Variants in LEPROTL1 observed in about 807,000 individuals in gnomAD.
LEPROTL1 encodes leptin receptor overlapping transcript like 1, also known as leptin receptor overlapping transcript-like 1.
A neutral mutation model predicts 15.4 loss-of-function variants in LEPROTL1; 6 were observed. The ratio of observed to expected loss-of-function variants is 0.39; its 90% CI spans 0.21 to 0.77. The LOEUF (loss-of-function observed/expected upper bound fraction) is 0.77. Ranked by LOEUF, LEPROTL1 falls within the 30% of genes least tolerant of loss-of-function variation. The pLI is 0.41. For missense variants in LEPROTL1, 128 were observed against 158.1 expected (o/e 0.81, Z 1.02); for synonymous variants, 56 against 52.6 (o/e 1.06, Z -0.28).
rs1439952751 is a variant in LEPROTL1, at chr8:30,131,849, T to C, written c.280-526T>C. ...TCCAAAACTTTAGAAAAAATTTTAT[T>C]ATGGAAAAGTTCAAATGTATGCATT... On this transcript the variant is annotated intron_variant, in intron 3 of 4. Transcript: ENST00000442880. The C allele has an allele frequency of 1.2e-5, 17 of 1,417,682 alleles. No individual in the cohort carries two copies. The East Asian group carries it at 1.5e-4, about 13-fold the overall frequency. The allele number at this position is 1,417,682 out of a possible 1,614,324, so 87.8% of individuals were successfully genotyped here.
chr8:30,119,946 G>C (rs188878232), intron 3 of LEPROTL1, among the ~76,000 whole-genome samples: 2 of 152,232 alleles, frequency 1.3e-5, no homozygotes, highest in East Asian at 3.9e-4. Flanking sequence ...GCGTATGCTT[G>C]TAATCCCAGC....
chr8:30,129,755 AC>A (rs1802966589), intron 3 of LEPROTL1, among the ~76,000 whole-genome samples: 1 of 148,732 alleles, frequency 6.7e-6, no homozygotes, highest in African/African-American at 2.5e-5. Flanking sequence ...ACACACACAC[AC>A]AAAGAACTAC....
intron 1 of LEPROTL1, among the ~76,000 whole-genome samples, chr8:30,097,826 G>A (rs1294218553): frequency 1.3e-5 from 2 of 150,450 alleles, no homozygotes; most frequent in Non-Finnish European, 3.0e-5. Flanking sequence ...CTTACAATAA[G>A]ACAATCTTGG....
chr8:30,101,466 G>A lies in LEPROTL1; in HGVS notation c.17-432G>A, dbSNP rs528763178. Among the ~76,000 whole-genome samples, 9 of 152,146 alleles carry A rather than the reference G, an allele frequency of 5.9e-5. No homozygotes were observed. In the South Asian group the frequency reaches 1.7e-3, roughly 28 times the overall value. ...GTGGATCACCTGAGGTCGGGAGTTCGAGACCAGCCTGACCAACATGGAGAA... is the reference window on the plus strand; with the variant it reads ...GTGGATCACCTGAGGTCGGGAGTTCAAGACCAGCCTGACCAACATGGAGAA... On this transcript the variant is annotated intron_variant, in intron 1 of 3. Coordinates refer to ENST00000321250, the MANE Select transcript of LEPROTL1 (RefSeq NM_015344.3).
chr8:30,125,285 A>G (rs1425693045), intron 3 of LEPROTL1, among the ~76,000 whole-genome samples: 1 of 152,248 alleles, frequency 6.6e-6, no homozygotes, highest in African/African-American at 2.4e-5. Flanking sequence ...GAGCTGCCAA[A>G]TAAAGGCTAA....
rs1802792899 is a variant in LEPROTL1 at position 30,119,371 on chromosome 8, TC to T, written c.280-13003del. 3.3e-5 allele frequency among the ~76,000 whole-genome samples: 5 copies of T among 152,208 alleles called. No homozygotes were observed. The South Asian group carries it at 8.3e-4, about 25-fold the overall frequency. ...GTAGACACAGTAACAGTCTGATCTC[TC>T]TTTCTTTTCCCTACAGTCTCCCTCA... On this transcript the variant is annotated intron_variant, in intron 3 of 4. Transcript: ENST00000442880.
chr8:30,109,986 G>C (rs1355680869), downstream of LEPROTL1, among the ~76,000 whole-genome samples: 1 of 152,110 alleles, frequency 6.6e-6, no homozygotes, highest in African/African-American at 2.4e-5. Context: ...ACACTTTAAT[G>C]TTGGGGTTAT....
chr8:30,105,861 G>T lies in LEPROTL1; in HGVS notation c.395G>T (p.Ter132LeuextTer48). 6.5e-7 allele frequency: 1 copy of T among 1,537,738 alleles called. No individual in the cohort carries two copies. Among genetic ancestry groups the T allele is most frequent in the South Asian group, 1.2e-5 (1 of 81,842 alleles). Residue 132 changes from the stop codon to leucine, a stop_lost, in exon 4 of 4, where the codon TGA (stop) becomes TTA (leucine). Coordinates refer to ENST00000321250, the MANE Select transcript of LEPROTL1 (RefSeq NM_015344.3). Reference protein sequence around the residue: ...SNDDFSWQQW* With the variant: ...SNDDFSWQQWL Reference sequence around the variant, plus strand: ...GACGACTTCAGCTGGCAGCAGTGGTGAAAAGAAATTACTGAACTATTGTCA... The same window carrying T: ...GACGACTTCAGCTGGCAGCAGTGGTTAAAAGAAATTACTGAACTATTGTCA...
intron 3 of LEPROTL1, among the ~76,000 whole-genome samples, chr8:30,115,836 G>A (rs1181652189): frequency 6.6e-6 from 1 of 151,904 alleles, no homozygotes; most frequent in Non-Finnish European, 1.5e-5. Context: ...TTAATACCCA[G>A]TGTTCCTAAG....
chr8:30,111,793 T>G (rs1172558122), downstream of LEPROTL1, among the ~76,000 whole-genome samples: 1 of 152,172 alleles, frequency 6.6e-6, no homozygotes, highest in Non-Finnish European at 1.5e-5. Flanking sequence ...GTGGGTCTTG[T>G]GCCAGCCAGC....
chr8:30,123,937 G>A (rs1349922103), intron 3 of LEPROTL1, among the ~76,000 whole-genome samples: 1 of 151,250 alleles, frequency 6.6e-6, no homozygotes, highest in Non-Finnish European at 1.5e-5. Flanking sequence ...GAACATTCTG[G>A]ATAGAAGGAC....
intron 2 of LEPROTL1, among the ~76,000 whole-genome samples, chr8:30,104,068 A>G (rs1187820056): frequency 6.6e-6 from 1 of 152,146 alleles, no homozygotes; most frequent in East Asian, 1.9e-4. Flanking sequence ...TAAATTCTAT[A>G]TTCTGACTGA....
chr8:30,134,192 A>G (rs1803089544), intron 4 of LEPROTL1, among the ~76,000 whole-genome samples: 1 of 152,200 alleles, frequency 6.6e-6, no homozygotes, highest in Non-Finnish European at 1.5e-5. Context: ...TGGGAGGCCG[A>G]GGCAGGTGGA....
intron 3 of LEPROTL1, chr8:30,117,349 G>T (rs1802757538): frequency 3.2e-6 from 3 of 926,476 alleles, no homozygotes; most frequent in Non-Finnish European, 5.1e-6. Context: ...TGTCTGTGAG[G>T]CATTTTGTTT....
At chr8:30,136,471 A>G (rs1439574192) in intron 4 of LEPROTL1, among the ~76,000 whole-genome samples, 7 of 152,158 alleles carry the variant, frequency 4.6e-5, no homozygotes, top group African/African-American at 1.7e-4. Context: ...TGAGCCACCC[A>G]GTCTGTGGCA....
chr8:30,102,111 C>T (rs1802476174), intron 2 of LEPROTL1, 138 bp downstream of exon 2: 2 of 558,232 alleles, frequency 3.6e-6, no homozygotes, highest in Non-Finnish European at 6.2e-6. Flanking sequence ...TTGTAAAAAT[C>T]ACCACTTAAA....
At chr8:30,119,586 C>T (rs1460946033) in intron 3 of LEPROTL1, among the ~76,000 whole-genome samples, 1 of 152,140 alleles carries the variant, frequency 6.6e-6, no homozygotes, top group East Asian at 1.9e-4. Context: ...GATGAGGGCC[C>T]ATGCTAATGA....
At chr8:30,138,084 A>G (rs1466372722), downstream of LEPROTL1, 1 of 170,242 alleles carries the variant, frequency 5.9e-6, no homozygotes, top group Admixed American at 5.5e-5. Flanking sequence ...CTCCAACCCA[A>G]CCAAGCGGCA....
chr8:30,117,703 C>T, intron 3 of LEPROTL1: 1 of 1,422,746 alleles, frequency 7.0e-7, no homozygotes, highest in African/African-American at 1.4e-5. Context: ...CTAATAAGCA[C>T]CTGGCTGGCG....
Sources: allele counts gnomAD v4.1 joint callset (sites outside exome capture counted in the v4.1 genomes callset), GRCh38; gene constraint gnomAD v4.1.1; transcripts MANE v1.5; gene names NCBI Gene and HGNC (gene_info 2026-07-23, HGNC 2026-07-21).